The following STK3 variants were observed in gnomAD, a reference collection of about 807,000 sequenced individuals.
STK3 encodes serine/threonine-protein kinase 3.
Under a neutral mutation model 58.0 loss-of-function variants are expected in STK3, and 41 were observed. The observed-to-expected ratio is 0.71, with a 90% CI of 0.55 to 0.92. STK3 has a LOEUF of 0.92. Ranked by LOEUF, STK3 falls within the 40% of genes least tolerant of loss-of-function variation. The pLI is 0.00. For synonymous variants in STK3, 170 were observed against 191.0 expected, an observed-to-expected ratio of 0.89 and a Z score of 0.91; for missense variants, 479 against 602.7, an observed-to-expected ratio of 0.79 and a Z score of 2.15.
intron 6 of STK3, among the ~76,000 whole-genome samples, chr8:98,683,737 AG>A (rs1159845937): frequency 1.3e-5 from 2 of 152,188 alleles, no homozygotes; most frequent in Non-Finnish European, 2.9e-5. Flanking sequence ...TTCCAGAAGT[AG>A]AAAGATTACG....
At chr8:98,820,773 C>T (rs1834844444) in intron 1 of STK3, among the ~76,000 whole-genome samples, 1 of 152,054 alleles carries the variant, frequency 6.6e-6, no homozygotes, top group African/African-American at 2.4e-5. Flanking sequence ...GTCATGAGAT[C>T]GAGACCATCC....
intron 10 of STK3, among the ~76,000 whole-genome samples, chr8:98,517,022 A>C (rs1824979355): frequency 6.6e-6 from 1 of 152,074 alleles, no homozygotes; most frequent in Non-Finnish European, 1.5e-5. Flanking sequence ...ACTATACTGC[A>C]TATCAAATTT....
At chr8:98,859,654 G>A (rs975856251) in intron 3 of STK3, among the ~76,000 whole-genome samples, 2 of 152,190 alleles carry the variant, frequency 1.3e-5, no homozygotes, top group Non-Finnish European at 2.9e-5. Flanking sequence ...TTGGCTCCGA[G>A]ACCCAGAAGC....
chr8:98,935,558 C>T (rs1312685927), intron 1 of STK3, among the ~76,000 whole-genome samples: 1 of 152,192 alleles, frequency 6.6e-6, no homozygotes, highest in Non-Finnish European at 1.5e-5. Context: ...TATAGATTCA[C>T]TCCATGTATT....
rs180921502 is a variant in STK3, at chr8:98,621,922, T to G, written c.685-25753A>C. On this transcript the variant is annotated intron_variant, in intron 6 of 10. Coordinates refer to ENST00000419617, the MANE Select transcript of STK3 (RefSeq NM_006281.4). ...CTTCTTGTTGCAAGTAAAATATATCTGTGGCTGAGAAAAAAAGACCGTCAA... is the reference window on the plus strand; with the variant it reads ...CTTCTTGTTGCAAGTAAAATATATCGGTGGCTGAGAAAAAAAGACCGTCAA... 7.5e-3 allele frequency among the ~76,000 whole-genome samples: 1,140 copies of G among 151,460 alleles called. 8 individuals are homozygous for G. Among genetic ancestry groups the G allele is most frequent in the Non-Finnish European group, 0.012 (812 of 67,878 alleles).
intron 1 of STK3, among the ~76,000 whole-genome samples, chr8:98,380,683 T>C (rs2131000335): frequency 6.6e-6 from 1 of 152,308 alleles, no homozygotes; most frequent in South Asian, 2.1e-4. Context: ...AAATTGTAAC[T>C]TTTTAAAAAG....
At chr8:98,741,387 C>A (rs966484464) in intron 4 of STK3, among the ~76,000 whole-genome samples, 17 of 152,270 alleles carry the variant, frequency 1.1e-4, no homozygotes, top group African/African-American at 4.1e-4. Context: ...GAAATTATAA[C>A]AAACTGTCTC....
chr8:98,650,605 G>A (rs112077252), intron 6 of STK3, among the ~76,000 whole-genome samples: 2,800 of 152,318 alleles, frequency 0.018, 78 homozygotes, highest in African/African-American at 0.064. Flanking sequence ...GGGTGACAGA[G>A]GGCACCTGGA....
chr8:98,919,238 A>G (rs923124468), intron 1 of STK3, among the ~76,000 whole-genome samples: 7 of 152,194 alleles, frequency 4.6e-5, no homozygotes, highest in Middle Eastern at 3.2e-3. Context: ...TTTTGAGGCT[A>G]ATGTCTCTAT....
intron 8 of STK3, among the ~76,000 whole-genome samples, chr8:98,577,827 T>G (rs750099896): frequency 4.6e-5 from 7 of 152,172 alleles, no homozygotes; most frequent in Non-Finnish European, 1.0e-4. Flanking sequence ...GTACATGATA[T>G]TTAAAGCTGA....
intron 7 of STK3, among the ~76,000 whole-genome samples, chr8:98,586,293 GT>G (rs942081887): frequency 1.3e-5 from 2 of 152,094 alleles, no homozygotes; most frequent in African/African-American, 4.8e-5. Flanking sequence ...TTTATTGAGA[GT>G]TTTTAGCATG....
At chr8:98,420,164 G>T (rs1818153547) in intron 3 of STK3, among the ~76,000 whole-genome samples, 1 of 152,192 alleles carries the variant, frequency 6.6e-6, no homozygotes, top group East Asian at 1.9e-4. Flanking sequence ...TAAATTGTGT[G>T]CTTTTCTGAG....
chr8:98,942,525 G>A (rs1327579803), exon 1 of STK3: 1 of 152,256 alleles, frequency 6.6e-6, no homozygotes, highest in East Asian at 1.9e-4. Flanking sequence ...CAGCTCGTGG[G>A]GTTGGAAATT....
At chr8:98,375,588 C>T (rs1015890554) in intron 2 of STK3, among the ~76,000 whole-genome samples, 3 of 152,200 alleles carry the variant, frequency 2.0e-5, no homozygotes, top group Non-Finnish European at 4.4e-5. Context: ...TCCCTGGAAA[C>T]CACTGATCTA....
chr8:98,512,855 T>C (rs1824625838), intron 10 of STK3, among the ~76,000 whole-genome samples: 1 of 152,180 alleles, frequency 6.6e-6, no homozygotes, highest in Admixed American at 6.6e-5. Flanking sequence ...ATCAGTGGTG[T>C]CTGGTCAATT....
At chr8:98,694,210 T>G (rs1305550119) in intron 6 of STK3, among the ~76,000 whole-genome samples, 1 of 152,206 alleles carries the variant, frequency 6.6e-6, no homozygotes, top group Non-Finnish European at 1.5e-5. Context: ...GAAAAGACTC[T>G]TCAGGAAAGG....
At chr8:98,568,641 G>A (rs1812707336) in intron 8 of STK3, among the ~76,000 whole-genome samples, 2 of 152,040 alleles carry the variant, frequency 1.3e-5, no homozygotes, top group South Asian at 2.1e-4. Flanking sequence ...ACAAGGCAGG[G>A]AGCAAAAGAT....
chr8:98,743,012 C>G (rs1343159192), intron 4 of STK3, among the ~76,000 whole-genome samples: 2 of 151,876 alleles, frequency 1.3e-5, no homozygotes, highest in Non-Finnish European at 2.9e-5. Context: ...ACCTAGGAAT[C>G]CAACTTACAA....
chr8:98,572,874 A>G (rs553877275), intron 8 of STK3, among the ~76,000 whole-genome samples: 26 of 152,340 alleles, frequency 1.7e-4, no homozygotes, highest in Non-Finnish European at 3.2e-4. Context: ...AAAAAAGACT[A>G]TAAGAGTTTT....
Sources: gnomAD v4.1 joint callset for allele counts (sites outside exome capture counted in the v4.1 genomes callset) on GRCh38, gnomAD v4.1.1 for gene constraint, MANE v1.5 for transcripts, NCBI Gene and HGNC (gene_info 2026-07-23, HGNC 2026-07-21) for gene names.